The following ERVK3-1 variants were observed in gnomAD, a reference collection of about 807,000 sequenced individuals.
ERVK3-1 encodes the protein HERV-K(HML6-1).
Position 58,310,808 on chromosome 19 carries a change from C to A in ERVK3-1, c.-3-1358C>A, listed in dbSNP as rs1001589799. 3.7e-5 allele frequency: 13 copies of A among 346,964 alleles called. No individual in the cohort carries two copies. Among genetic ancestry groups the A allele is most frequent in the South Asian group, 2.7e-4 (13 of 47,296 alleles). The allele number at this position is 346,964 out of a possible 1,614,324, so 21.5% of individuals were successfully genotyped here. On this transcript the variant is annotated intron_variant, in intron 2 of 3. Coordinates refer to ENST00000413518, the Ensembl canonical transcript of ERVK3-1. The surrounding 1 kb of genome is among the most constrained non-coding windows in gnomAD (Gnocchi z 4.7). ...GTGGAGGAGCAGAGTCTTCTCTAAC[C>A]TCCCCCAGGGAAAGGGAGACCGCCC...
intron 1 of ERVK3-1, 106 bp downstream of exon 1, chr19:58,305,551 T>C (rs1482007546): frequency 6.6e-6 from 1 of 151,966 alleles, no homozygotes; most frequent in Non-Finnish European, 1.5e-5. Flanking sequence ...GGGTGGGACC[T>C]GTGAGGGGAA....
At chr19:58,316,357 G>A (rs1174999181), downstream of ERVK3-1, among the ~76,000 whole-genome samples, 1 of 152,126 alleles carries the variant, frequency 6.6e-6, no homozygotes, top group African/African-American at 2.4e-5. Flanking sequence ...GGCCATCAGA[G>A]TATGGTTGGC....
downstream of ERVK3-1, among the ~76,000 whole-genome samples, chr19:58,315,866 C>G (rs115462244): frequency 6.9e-3 from 1,056 of 152,280 alleles, 10 homozygotes; most frequent in African/African-American, 0.024. Context: ...AAGTCAAAGC[C>G]AGGAGCCTAG....
exon 4 of ERVK3-1, chr19:58,314,914 T>C (rs2051581319): frequency 2.5e-6 from 1 of 394,480 alleles, no homozygotes; most frequent in African/African-American, 2.1e-5. Context: ...AACAGCAAAC[T>C]GTTCTCATGA....
intron 2 of ERVK3-1, chr19:58,309,250 G>A (rs1319528478): frequency 6.6e-6 from 1 of 151,986 alleles, no homozygotes; most frequent in African/African-American, 2.4e-5. Context: ...ATATTGTTTT[G>A]GCCACTCCTA....
rs541161911 is a variant in ERVK3-1, at chr19:58,313,604, A to C, written c.294+1142A>C. Among the ~76,000 whole-genome samples, 8 of 152,148 alleles carry C rather than the reference A, an allele frequency of 5.3e-5. No homozygotes were observed. Among genetic ancestry groups the C allele is most frequent in the Admixed American group, 5.2e-4 (8 of 15,280 alleles). ...CCATGCCCGGCCAGTTTGTGTTTTTAATCCCTATGTTTTTCTAGCATCTAA... is the reference window on the plus strand; with the variant it reads ...CCATGCCCGGCCAGTTTGTGTTTTTCATCCCTATGTTTTTCTAGCATCTAA... On this transcript the variant is annotated intron_variant, in intron 3 of 3. Transcript: ENST00000413518. The surrounding 1 kb of genome is among the most constrained non-coding windows in gnomAD (Gnocchi z 4.5).
exon 4 of ERVK3-1, chr19:58,314,815 A>G (rs530419855): frequency 2.5e-6 from 1 of 400,058 alleles, no homozygotes; most frequent in East Asian, 3.6e-5. Context: ...CCTTTATTCA[A>G]TTAATGCAAA....
chr19:58,312,049 T>G lies in ERVK3-1; in HGVS notation c.-3-117T>G, dbSNP rs2051559778. ...CCAGCAGAACGACACTGGCAACTGC[T>G]AGAGGAAAAGAGGCAAGTTTATCCA... On this transcript the variant is annotated intron_variant, in intron 2 of 3. Transcript: ENST00000413518. This position sits in a 1 kb window ranked among gnomAD's most constrained non-coding sequence, Gnocchi z 4.7. The G allele has an allele frequency of 5.0e-6, 2 of 397,642 alleles. No individual in the cohort carries two copies. The highest frequency in any genetic ancestry group is 8.9e-6 in the Non-Finnish European group (2 of 225,924). 24.6% of individuals were successfully genotyped at this position (397,642 alleles called of 1,614,324 possible).
chr19:58,315,357 G>A (rs965947818), exon 4 of ERVK3-1: 4 of 152,058 alleles, frequency 2.6e-5, no homozygotes, highest in Non-Finnish European at 4.4e-5. Flanking sequence ...CTGCCTATTC[G>A]CTCTTCCTCC....
At chr19:58,309,185 T>C (rs1384403630) in intron 2 of ERVK3-1, 1 of 152,204 alleles carries the variant, frequency 6.6e-6, no homozygotes, top group Non-Finnish European at 1.5e-5. Context: ...AGGAAAAGCA[T>C]TGAAGGAGCC....
chr19:58,309,254 A>C (rs2051542391), intron 2 of ERVK3-1: 1 of 152,136 alleles, frequency 6.6e-6, no homozygotes, highest in Non-Finnish European at 1.5e-5. Context: ...TGTTTTGGCC[A>C]CTCCTACAGA....
chr19:58,305,440 A>T (rs1196389988), exon 1 of ERVK3-1: 1 of 152,560 alleles, frequency 6.6e-6, no homozygotes, highest in Non-Finnish European at 1.5e-5. Flanking sequence ...GGAGGCTGCC[A>T]CAGTGGTGAG....
chr19:58,315,395 A>G (rs1275657943), exon 4 of ERVK3-1: 1 of 152,174 alleles, frequency 6.6e-6, no homozygotes, highest in African/African-American at 2.4e-5. Flanking sequence ...AATCCACGTT[A>G]TATGTCTAGA....
intron 2 of ERVK3-1, among the ~76,000 whole-genome samples, chr19:58,308,776 G>GA (rs2051539765): frequency 6.6e-6 from 1 of 152,184 alleles, no homozygotes; most frequent in Admixed American, 6.5e-5. Context: ...TATCACAGGA[G>GA]AAAACTGACT....
At chr19:58,314,307 A>G (rs773522965) in intron 3 of ERVK3-1, among the ~76,000 whole-genome samples, 8 of 152,202 alleles carry the variant, frequency 5.3e-5, no homozygotes, top group Non-Finnish European at 1.2e-4. Context: ...TTAGAAGCTT[A>G]AACAGAATTC....
Position 58,312,550 on chromosome 19 carries a change from C to T in ERVK3-1, c.294+88C>T, listed in dbSNP as rs1377470846. ...ACGACTGGTACTCTGGAGCGACACT[C>T]CTCCTGAGATATATTATGATCAGGG... is the stretch of plus-strand genomic sequence containing the variant. On this transcript the variant is annotated intron_variant, in intron 3 of 3. Coordinates refer to ENST00000413518, the Ensembl canonical transcript of ERVK3-1. This position sits in a 1 kb window ranked among gnomAD's most constrained non-coding sequence, Gnocchi z 4.7. The T allele has an allele frequency of 5.0e-6, 2 of 398,894 alleles. No individual in the cohort carries two copies. Among genetic ancestry groups the T allele is most frequent in the Non-Finnish European group, 8.8e-6 (2 of 226,044 alleles). The allele number at this position is 398,894 out of a possible 1,614,324, so 24.7% of individuals were successfully genotyped here. A position where few individuals can be genotyped will look rare whatever the true frequency, so the allele number is the denominator to read the frequency against.
At chr19:58,307,196 A>C (rs1032815081) in intron 2 of ERVK3-1, among the ~76,000 whole-genome samples, 2 of 152,258 alleles carry the variant, frequency 1.3e-5, no homozygotes, top group African/African-American at 4.8e-5. Context: ...AAGGGGTCTC[A>C]ATAAAATCTT....
downstream of ERVK3-1, among the ~76,000 whole-genome samples, chr19:58,316,444 A>T (rs2051593282): frequency 6.6e-6 from 1 of 152,144 alleles, no homozygotes; most frequent in Non-Finnish European, 1.5e-5. Flanking sequence ...TGGGAGGCTG[A>T]GGCAGGCCTG....
At chr19:58,309,636 A>G (rs993196612) in intron 2 of ERVK3-1, 4 of 152,198 alleles carry the variant, frequency 2.6e-5, no homozygotes, top group Non-Finnish European at 5.9e-5. Flanking sequence ...TACAACCACA[A>G]AAGTCTTTGG....
Sources: gnomAD v4.1 joint callset for allele counts (sites outside exome capture counted in the v4.1 genomes callset) on GRCh38, gnomAD v4.1.1 for gene constraint, Gnocchi (gnomAD v3.1) non-coding constraint, MANE v1.5 for transcripts, NCBI Gene and HGNC (gene_info 2026-07-23, HGNC 2026-07-21) for gene names.